Variants in DLG2 observed in about 807,000 individuals in gnomAD.
The protein encoded by DLG2 is discs large MAGUK scaffold protein 2, also known as disks large homolog 2.
In DLG2, 45 loss-of-function variants were observed where a neutral mutation model predicts 132.5. That is an observed-to-expected ratio of 0.34 (90% CI 0.27 to 0.44). The LOEUF (loss-of-function observed/expected upper bound fraction) is 0.44, where lower values mean the gene tolerates loss of function less well. DLG2 is among the 20% of genes least tolerant of loss of function. The pLI is 1.00. For missense variants in DLG2, 1,045 were observed against 1,196.9 expected (o/e 0.87, Z 1.87); for synonymous variants, 424 against 419.6 (o/e 1.01, Z -0.13).
rs565489696 is a variant in DLG2 at position 84,389,954 on chromosome 11, T to C, written c.520-138663A>G. On this transcript the variant is annotated intron_variant, in intron 7 of 27. Coordinates refer to ENST00000376104, the MANE Select transcript of DLG2 (RefSeq NM_001142699.3). Reference sequence around the variant, plus strand: ...AAATGCTAACAACAGTTATTCCAACTTGATTATGACTTAGCAGTATCATTT... The same window carrying C: ...AAATGCTAACAACAGTTATTCCAACCTGATTATGACTTAGCAGTATCATTT... Among the ~76,000 whole-genome samples the C allele has an allele frequency of 2.6e-5, 4 of 152,310 alleles. No individual in the cohort carries two copies. In the East Asian group the frequency reaches 7.7e-4, roughly 29 times the overall value.
chr11:84,993,672 G>C (rs1357685399), intron 6 of DLG2, among the ~76,000 whole-genome samples: 1 of 115,608 alleles, frequency 8.6e-6, no homozygotes, highest in African/African-American at 4.0e-5. Context: ...TTTAGGCCTA[G>C]GAACCTGGCC....
At chr11:83,627,347 A>T (rs966981727) in intron 19 of DLG2, among the ~76,000 whole-genome samples, 1 of 151,904 alleles carries the variant, frequency 6.6e-6, no homozygotes, top group Non-Finnish European at 1.5e-5. Context: ...TCCTAATGCT[A>T]TCCCTCCCCT....
chr11:83,707,183 C>G (rs2084209662), intron 18 of DLG2, among the ~76,000 whole-genome samples: 1 of 152,124 alleles, frequency 6.6e-6, no homozygotes, highest in African/African-American at 2.4e-5. Context: ...CTGCAGAGCC[C>G]TAGAACAACA....
chr11:84,252,485 A>G (rs7937925), intron 7 of DLG2, among the ~76,000 whole-genome samples: 22,561 of 152,010 alleles, frequency 0.15, 1,876 homozygotes, highest in East Asian at 0.25. Context: ...AAATCCCTAG[A>G]TAGAACATTG....
In DLG2 at chr11:84,967,036, G is replaced by A. The variant is rs117859428; in HGVS notation, c.357+144625C>T. ...GACCTACTGAGCCAAAATGCCTATAGGCAACTAGAATTACACATTGGTAAA... is the reference window on the plus strand; with the variant it reads ...GACCTACTGAGCCAAAATGCCTATAAGCAACTAGAATTACACATTGGTAAA... On this transcript the variant is annotated intron_variant, in intron 6 of 27. Transcript: ENST00000376104. Among the ~76,000 whole-genome samples, 1,465 of 152,124 alleles carry A rather than the reference G, an allele frequency of 9.6e-3. 10 individuals carry two copies. The highest frequency in any genetic ancestry group is 0.015 in the Non-Finnish European group (1,031 of 67,952).
intron 18 of DLG2, among the ~76,000 whole-genome samples, chr11:83,695,078 C>A (rs1407019565): frequency 6.6e-6 from 1 of 152,236 alleles, no homozygotes; most frequent in Non-Finnish European, 1.5e-5. Context: ...TAAATACATT[C>A]TCTTTCCTTT....
chr11:85,026,320 T>C (rs1592888625), intron 6 of DLG2, among the ~76,000 whole-genome samples: 1 of 152,084 alleles, frequency 6.6e-6, no homozygotes, highest in East Asian at 1.9e-4. Context: ...AAAAGAAATT[T>C]GGTAGTAACG....
At chr11:84,697,821 A>T (rs2058775785) in intron 6 of DLG2, among the ~76,000 whole-genome samples, 2 of 151,502 alleles carry the variant, frequency 1.3e-5, no homozygotes. Flanking sequence ...CATGATAATA[A>T]GTACATATTA....
intron 3 of DLG2, among the ~76,000 whole-genome samples, chr11:85,361,855 T>G (rs1323508972): frequency 2.0e-5 from 3 of 152,212 alleles, no homozygotes; most frequent in Non-Finnish European, 4.4e-5. Context: ...ATTGGTAATT[T>G]GATAGGGATT....
At chr11:83,559,291 A>T (rs2096571860) in intron 19 of DLG2, among the ~76,000 whole-genome samples, 1 of 152,098 alleles carries the variant, frequency 6.6e-6, no homozygotes, top group Non-Finnish European at 1.5e-5. Flanking sequence ...GGAAAAGTAG[A>T]TGGAGGCCTG....
intron 6 of DLG2, among the ~76,000 whole-genome samples, chr11:84,759,472 A>G (rs578233610): frequency 6.6e-6 from 1 of 152,318 alleles, no homozygotes; most frequent in Admixed American, 6.5e-5. Flanking sequence ...TCATAGCATC[A>G]TCTGTTTTCT....
At chr11:83,903,002 C>T (rs2073880586) in intron 15 of DLG2, among the ~76,000 whole-genome samples, 1 of 152,108 alleles carries the variant, frequency 6.6e-6, no homozygotes, top group South Asian at 2.1e-4. Flanking sequence ...TAGCACCGTC[C>T]ATACAACAAA....
chr11:85,411,671 T>C (rs2089322714), intron 3 of DLG2, among the ~76,000 whole-genome samples: 1 of 151,866 alleles, frequency 6.6e-6, no homozygotes, highest in Admixed American at 6.6e-5. Flanking sequence ...TGTCAACAGA[T>C]AGATCTGTAA....
chr11:84,884,281 A>G (rs146283294), intron 6 of DLG2, among the ~76,000 whole-genome samples: 60 of 152,082 alleles, frequency 3.9e-4, no homozygotes, highest in African/African-American at 1.4e-3. Flanking sequence ...GGCTCACTTT[A>G]TCTTTAGGCT....
At chr11:84,843,736 G>C (rs567540299) in intron 6 of DLG2, among the ~76,000 whole-genome samples, 28 of 151,736 alleles carry the variant, frequency 1.8e-4, no homozygotes, top group Admixed American at 6.6e-5. Flanking sequence ...GCATTGTTTA[G>C]GGAATGATGA....
Position 84,534,695 on chromosome 11 carries a change from G to A in DLG2, c.394C>T (p.His132Tyr), listed in dbSNP as rs1314109789. The change falls in exon 7 of 28, where the codon CAT becomes TAT. Residue 132 changes from histidine (H) to tyrosine (Y), a missense_variant. His to Tyr is a moderately conservative substitution (Grantham distance 83). This residue lies in a region of DLG2 where 277 missense variants were observed against 238.2 expected (regional missense o/e 1.16). Transcript: ENST00000376104. ...TCGTGGGTTAGTCGAGGTAAGGAATGATCATGTGGAGCGTCCTCATCTTGA... is the reference window on the plus strand; with the variant it reads ...TCGTGGGTTAGTCGAGGTAAGGAATAATCATGTGGAGCGTCCTCATCTTGA... ...RYQDEDAPHD[H>Y]SLPRLTHEVR... The A allele has an allele frequency of 4.3e-6, 7 of 1,613,934 alleles. No individual in the cohort carries two copies. Among genetic ancestry groups the A allele is most frequent in the Non-Finnish European group, 5.9e-6 (7 of 1,179,958 alleles).
At chr11:84,966,458 G>T (rs1455228491) in intron 6 of DLG2, among the ~76,000 whole-genome samples, 1 of 151,992 alleles carries the variant, frequency 6.6e-6, no homozygotes, top group African/African-American at 2.4e-5. Flanking sequence ...TCCTGAGAGG[G>T]AAAAACATGA....
intron 6 of DLG2, among the ~76,000 whole-genome samples, chr11:84,914,378 C>T (rs1165510312): frequency 1.3e-5 from 2 of 152,216 alleles, no homozygotes; most frequent in East Asian, 3.9e-4. Flanking sequence ...AGACACAGTA[C>T]AATATCACTT....
chr11:84,341,862 T>G (rs2098516626), intron 7 of DLG2, among the ~76,000 whole-genome samples: 1 of 151,808 alleles, frequency 6.6e-6, no homozygotes, highest in Admixed American at 6.6e-5. Context: ...GTAGATGCAC[T>G]ATAACAAAGC....
Sources: allele counts gnomAD v4.1 joint callset (sites outside exome capture counted in the v4.1 genomes callset), GRCh38; gene constraint gnomAD v4.1.1; regional missense constraint gnomAD v4.1.1; transcripts MANE v1.5; gene names NCBI Gene and HGNC (gene_info 2026-07-23, HGNC 2026-07-21).